ABCA6: variants seen among roughly 807,000 people sequenced by gnomAD.
ABCA6 encodes ATP-binding cassette sub-family A member 6.
A neutral mutation model predicts 191.2 loss-of-function variants in ABCA6; 164 were observed. The observed-to-expected ratio is 0.86, with a 90% CI of 0.76 to 0.98. The LOEUF (loss-of-function observed/expected upper bound fraction) is 0.98, where lower values mean the gene tolerates loss of function less well. ABCA6 is among the 50% of genes least tolerant of loss of function. ABCA6 has a pLI of 0.00. For synonymous variants in ABCA6, 636 were observed against 647.7 expected (o/e 0.98, Z 0.27); for missense variants, 1,958 against 1,894.1 (o/e 1.03, Z -0.63).
chr17:69,134,870 C>T (rs1433056010), intron 4 of ABCA6, 128 bp from the exon 5 acceptor site: 119 of 374,172 alleles, frequency 3.2e-4, no homozygotes, highest in South Asian at 1.2e-3. Flanking sequence ...GGTGGTGTTT[C>T]GTTTTTGTTG....
At chr17:69,110,519 G>A (rs749968471) in intron 17 of ABCA6, 33 of 291,500 alleles carry the variant, frequency 1.1e-4, no homozygotes, top group Non-Finnish European at 1.7e-4. Flanking sequence ...TTTCCCTCCC[G>A]TGGGCATTGC....
chr17:69,134,712 G>A lies in ABCA6; in HGVS notation c.491C>T (p.Ser164Leu). 1 of 1,613,578 alleles carries A rather than the reference G, an allele frequency of 6.2e-7. No homozygotes were observed. The highest frequency in any genetic ancestry group is 8.5e-7 in the Non-Finnish European group (1 of 1,179,848). The change falls in exon 5 of 39, where the codon TCA (serine) becomes TTA (leucine). Residue 164 changes from serine (S) to leucine (L), a missense_variant. Transcript: ENST00000284425. Reference sequence around the variant, plus strand: ...ATTCCAGTATTTGGTCAATGTACATGAAAACTCACCATATCCATCCCAGCA... The same window carrying A: ...ATTCCAGTATTTGGTCAATGTACATAAAAACTCACCATATCCATCCCAGCA... ...AHCWDGYGEF[S>L]CTLTKYWNRG...
At chr17:69,139,309 A>C (rs1471089542) in intron 2 of ABCA6, among the ~76,000 whole-genome samples, 1 of 152,224 alleles carries the variant, frequency 6.6e-6, no homozygotes, top group African/African-American at 2.4e-5. Flanking sequence ...CACTTCTCAA[A>C]AGAAGACATT....
chr17:69,083,286 GA>G lies in ABCA6; in HGVS notation c.4400del (p.Leu1467ProfsTer2). ...CCTCAGCCAGGTTATGGGTGGTCAG[GA>G]GGACACCTCTCTCTGTGTTTTTAAC... ...AVVKNTERGV[L>X]LTTHNLAEAE... On this transcript the variant is annotated frameshift_variant, in exon 35 of 39. Transcript: ENST00000284425. LOFTEE classifies it high-confidence loss of function. 6.2e-7 allele frequency: 1 copy of G among 1,607,660 alleles called. No homozygotes were observed. Among genetic ancestry groups the G allele is most frequent in the Admixed American group, 1.7e-5 (1 of 57,832 alleles).
chr17:69,114,741 AATC>A lies in ABCA6; in HGVS notation c.1782+18_1782+20del, dbSNP rs763874460. 7 of 1,585,364 alleles carry A rather than the reference AATC, an allele frequency of 4.4e-6. No individual in the cohort carries two copies. In the African/African-American group the frequency reaches 6.8e-5, roughly 15 times the overall value. On this transcript the variant is annotated intron_variant, in intron 13 of 38. Transcript: ENST00000284425. ...TTGGTAAGTGGTTGGCAGGTCAGTTAATCCAAGCATGCCCTCCTACCTCTTGTT... is the reference window on the plus strand; with the variant it reads ...TTGGTAAGTGGTTGGCAGGTCAGTTACAAGCATGCCCTCCTACCTCTTGTT...
intron 10 of ABCA6, among the ~76,000 whole-genome samples, chr17:69,120,570 G>A (rs2073621914): frequency 6.6e-6 from 1 of 152,066 alleles, no homozygotes; most frequent in Non-Finnish European, 1.5e-5. Context: ...CAATATGTTT[G>A]TTGAATGAAT....
At chr17:69,112,958 A>AT (rs1169063815) in intron 15 of ABCA6, 3 of 260,354 alleles carry the variant, frequency 1.2e-5, no homozygotes, top group African/African-American at 6.7e-5. Flanking sequence ...AAATATATAT[A>AT]AAAAAAGATT....
At chr17:69,126,030 G>T (rs2073746206) in intron 8 of ABCA6, among the ~76,000 whole-genome samples, 1 of 151,890 alleles carries the variant, frequency 6.6e-6, no homozygotes, top group Admixed American at 6.6e-5. Flanking sequence ...ATTCATTATT[G>T]TACTAGAGGT....
At chr17:69,099,821 C>T (rs2073133523) in intron 22 of ABCA6, among the ~76,000 whole-genome samples, 1 of 152,132 alleles carries the variant, frequency 6.6e-6, no homozygotes. Flanking sequence ...ATATTTCATC[C>T]CCATTGTTCC....
chr17:69,115,539 A>C, intron 11 of ABCA6, 53 bp from the exon 12 acceptor site: 1 of 1,364,892 alleles, frequency 7.3e-7, no homozygotes, highest in South Asian at 1.3e-5. Flanking sequence ...ACAGAAAGGC[A>C]TTAGACAGGC....
At chr17:69,122,198 C>T (rs2073660959) in intron 10 of ABCA6, among the ~76,000 whole-genome samples, 1 of 151,946 alleles carries the variant, frequency 6.6e-6, no homozygotes, top group African/African-American at 2.4e-5. Context: ...TTTGTATTCT[C>T]AAAATGGGGA....
chr17:69,084,670 CT>C (rs71144653), intron 32 of ABCA6, among the ~76,000 whole-genome samples, 163 bp from the exon 33 acceptor site: 76,516 of 145,388 alleles, frequency 0.53, 21,177 homozygotes, highest in Non-Finnish European at 0.65. Context: ...ACATGAAAGA[CT>C]TTTTTTTTTT....
At position 69,133,849 on chromosome 17, in the gene ABCA6, C is replaced by A. The variant is rs765321464; in HGVS notation, c.583G>T (p.Val195Leu). ...GTAACTGACATCAACTCCTCCATCA[C>A]AGGGTGATTGGTTGTGATCTAAAGT... ...AIIEITTNHP[V>L]MEELMSVTAI... Residue 195 changes from valine to leucine, a missense_variant, in exon 6 of 39, where the codon GTG (valine) becomes TTG (leucine). Physicochemically the swap from Val to Leu is conservative, Grantham distance 32. Coordinates refer to ENST00000284425, the MANE Select transcript of ABCA6 (RefSeq NM_080284.3). 5 of 1,602,374 alleles carry A rather than the reference C, an allele frequency of 3.1e-6. No individual in the cohort carries two copies. The highest frequency in any genetic ancestry group is 3.4e-5 in the Admixed American group (2 of 58,388).
In ABCA6 at chr17:69,086,680, C is replaced by G; in HGVS notation, c.3875G>C (p.Ser1292Thr). Residue 1292 changes from serine to threonine, a missense_variant, in exon 30 of 39, where the codon AGT becomes ACT. By Grantham distance (58) the Ser-to-Thr change is moderately conservative (BLOSUM62 1). Transcript: ENST00000284425. ...LHKEYAGQKKSCFSKRKKKIA... is the reference protein window; with the variant it reads ...LHKEYAGQKKTCFSKRKKKIA... ...TTTCTTCTTCCTCTTTGAAAAGCAACTTTTCTTCTGGCCTGCATATTCTTT... is the reference window on the plus strand; with the variant it reads ...TTTCTTCTTCCTCTTTGAAAAGCAAGTTTTCTTCTGGCCTGCATATTCTTT... The G allele has an allele frequency of 6.2e-7, 1 of 1,612,830 alleles. No individual in the cohort carries two copies. The highest frequency in any genetic ancestry group is 8.5e-7 in the Non-Finnish European group (1 of 1,179,418).
intron 25 of ABCA6, among the ~76,000 whole-genome samples, chr17:69,092,156 T>A (rs2072940478): frequency 6.6e-6 from 1 of 152,202 alleles, no homozygotes; most frequent in Non-Finnish European, 1.5e-5. Context: ...TTTGTTTGTT[T>A]GTTTTAAGAA....
At position 69,088,186 on chromosome 17, in the gene ABCA6, G is replaced by A. The variant is rs140021843; in HGVS notation, c.3679C>T (p.Arg1227Ter). ...CCCAACCTGAAAACAGGATCTTTTC[G>A]CATTCTTTTCTTTCCACATTTTAGT... Reference protein sequence around the residue: ...MELKCGKKRMRKDPVFRISPQ... With the variant: ...MELKCGKKRM Residue 1227 changes from arginine to a stop codon, truncating the protein, a stop_gained, in exon 28 of 39, where the codon CGA (arginine) becomes TGA (stop). Transcript: ENST00000284425. LOFTEE classifies it high-confidence loss of function. 94 of 1,611,134 alleles carry A rather than the reference G, an allele frequency of 5.8e-5. No homozygotes were observed. The African/African-American group carries it at 7.6e-4, about 13-fold the overall frequency.
At chr17:69,089,308 G>T (rs1346843012) in intron 27 of ABCA6, among the ~76,000 whole-genome samples, 157 bp downstream of exon 27, 3 of 152,078 alleles carry the variant, frequency 2.0e-5, no homozygotes, top group Non-Finnish European at 4.4e-5. Flanking sequence ...CATGTAAAAA[G>T]TAACTCTAAG....
intron 3 of ABCA6, among the ~76,000 whole-genome samples, chr17:69,136,751 C>T (rs1047994553): frequency 1.3e-5 from 2 of 151,998 alleles, no homozygotes; most frequent in East Asian, 1.9e-4. Context: ...CCAATTTGCC[C>T]ATGAATGAAA....
At chr17:69,125,141 A>G in intron 8 of ABCA6, 106 bp from the exon 9 acceptor site, 1 of 445,294 alleles carries the variant, frequency 2.2e-6, no homozygotes, top group Admixed American at 4.4e-5. Flanking sequence ...AGAGGCACTT[A>G]GTAGTTACTA....
Sources: gnomAD v4.1 joint callset for allele counts (sites outside exome capture counted in the v4.1 genomes callset) on GRCh38, gnomAD v4.1.1 for gene constraint, MANE v1.5 for transcripts, NCBI Gene and HGNC (gene_info 2026-07-23, HGNC 2026-07-21) for gene names.